Variants in ANO6 observed in about 807,000 individuals in gnomAD.
The protein encoded by ANO6 is anoctamin-6.
ANO6 carries 106 observed loss-of-function variants against 117.5 expected under a neutral mutation model. The observed-to-expected ratio is 0.90, with a 90% CI of 0.77 to 1.06. The LOEUF is 1.06. ANO6 is among the 50% of genes least tolerant of loss of function. The probability of loss-of-function intolerance (pLI) is 0.00; values close to 1 mark genes in which losing one functional copy is unlikely to be tolerated. For missense variants in ANO6, 955 were observed against 1,121.1 expected (o/e 0.85, Z 2.12); for synonymous variants, 367 against 385.1 (o/e 0.95, Z 0.55).
rs771043019 is a variant in ANO6 at position 45,367,805 on chromosome 12, T to G, written c.1104+12T>G. 4.8e-5 allele frequency: 76 copies of G among 1,587,850 alleles called. 1 individual carries two copies. The Admixed American group carries it at 1.3e-3, about 26-fold the overall frequency. On this transcript the variant is annotated intron_variant, in intron 9 of 19. Transcript: ENST00000320560. ...GCGAGTCCTCAAAGGTAATTTTTGC[T>G]ATTGCCAATATTTACACCTAATGAA...
At chr12:45,250,955 CT>C (rs1425500955) in intron 1 of ANO6, among the ~76,000 whole-genome samples, 1 of 151,762 alleles carries the variant, frequency 6.6e-6, no homozygotes, top group Non-Finnish European at 1.5e-5. Flanking sequence ...TGCCTATTAT[CT>C]CAGAACTTTG....
intron 1 of ANO6, among the ~76,000 whole-genome samples, chr12:45,245,347 TTAA>T (rs1242476934): frequency 6.6e-6 from 1 of 152,088 alleles, no homozygotes; most frequent in Non-Finnish European, 1.5e-5. Flanking sequence ...ATTTTTAGTA[TTAA>T]TAATTGTTAA....
intron 2 of ANO6, 129 bp from the exon 3 acceptor site, chr12:45,331,166 G>T (rs976932899): frequency 3.9e-6 from 3 of 776,978 alleles, no homozygotes; most frequent in Admixed American, 2.8e-5. Flanking sequence ...ATGACTGTTT[G>T]GTAAGCTAAC....
At chr12:45,274,029 A>G (rs1938470663) in intron 1 of ANO6, among the ~76,000 whole-genome samples, 1 of 152,088 alleles carries the variant, frequency 6.6e-6, no homozygotes, top group Admixed American at 6.5e-5. Flanking sequence ...TGGCTTCATG[A>G]TGCTACTTTA....
In ANO6 at chr12:45,413,631, C is replaced by T. The variant is rs151170157; in HGVS notation, c.2012-3068C>T. ...TGAAGAGTGAAGAGTGAGGGAGGCT[C>T]ACAAAGAAAAAGAAGAGCAGAGCAG... On this transcript the variant is annotated intron_variant, in intron 16 of 19. Transcript: ENST00000320560. Among the ~76,000 whole-genome samples, 436 of 152,080 alleles carry T rather than the reference C, an allele frequency of 2.9e-3. 2 individuals are homozygous for T. Among genetic ancestry groups the T allele is most frequent in the Non-Finnish European group, 5.0e-3 (338 of 67,968 alleles).
At chr12:45,392,930 T>C (rs565963008) in intron 12 of ANO6, among the ~76,000 whole-genome samples, 2 of 152,200 alleles carry the variant, frequency 1.3e-5, no homozygotes, top group African/African-American at 4.8e-5. Context: ...AATCAGAGCA[T>C]CTCTTCCCCT....
intron 1 of ANO6, among the ~76,000 whole-genome samples, chr12:45,234,332 C>T (rs918717452): frequency 6.6e-6 from 1 of 152,026 alleles, no homozygotes; most frequent in East Asian, 1.9e-4. Context: ...GAACTGTTTG[C>T]AGACTCTCCC....
intron 1 of ANO6, among the ~76,000 whole-genome samples, chr12:45,248,144 T>A (rs1328194470): frequency 6.6e-6 from 1 of 152,208 alleles, no homozygotes; most frequent in Non-Finnish European, 1.5e-5. Flanking sequence ...TAAAGTTAAT[T>A]TCTTTTCCTG....
At chr12:45,233,902 C>T (rs1333664541) in intron 1 of ANO6, among the ~76,000 whole-genome samples, 2 of 152,152 alleles carry the variant, frequency 1.3e-5, no homozygotes, top group Non-Finnish European at 2.9e-5. Flanking sequence ...TCACTTAGCA[C>T]AATCTTTCTG....
rs1197045288 is a variant in ANO6, at chr12:45,429,361, A to G, written c.*50A>G. The G allele has an allele frequency of 6.3e-7, 1 of 1,590,544 alleles. No individual in the cohort carries two copies. Among genetic ancestry groups the G allele is most frequent in the Middle Eastern group, 1.8e-4 (1 of 5,428 alleles). On this transcript the variant is annotated 3_prime_UTR_variant, in exon 20 of 20. Transcript: ENST00000320560. ...TTAAGGAATTTAGCTTTGTCAAAATATATTAGGAATCACTAATGAGAATGT... is the reference window on the plus strand; with the variant it reads ...TTAAGGAATTTAGCTTTGTCAAAATGTATTAGGAATCACTAATGAGAATGT...
In ANO6 at chr12:45,431,759, C is replaced by T. The variant is rs541882574; in HGVS notation, c.*2448C>T. The T allele has an allele frequency of 7.3e-5, 72 of 985,422 alleles. No homozygotes were observed. Among genetic ancestry groups the T allele is most frequent in the Middle Eastern group, 1.0e-3 (2 of 1,914 alleles). The allele number at this position is 985,422 out of a possible 1,614,324, so 61.0% of individuals were successfully genotyped here. ...GTAAGTGGCTTCAGAGGCAGCAGCCCTGGGGAAATTGATGGGTGTGGCAGT... is the reference window on the plus strand; with the variant it reads ...GTAAGTGGCTTCAGAGGCAGCAGCCTTGGGGAAATTGATGGGTGTGGCAGT... On this transcript the variant is annotated 3_prime_UTR_variant, in exon 20 of 20. Coordinates refer to ENST00000320560, the MANE Select transcript of ANO6 (RefSeq NM_001025356.3).
chr12:45,360,781 G>A (rs1941534976), intron 8 of ANO6, among the ~76,000 whole-genome samples: 1 of 152,146 alleles, frequency 6.6e-6, no homozygotes, highest in South Asian at 2.1e-4. Flanking sequence ...AATGGTATGA[G>A]ATAGGGTCCT....
At chr12:45,224,536 C>T (rs914239097) in intron 1 of ANO6, among the ~76,000 whole-genome samples, 1 of 152,062 alleles carries the variant, frequency 6.6e-6, no homozygotes, top group Non-Finnish European at 1.5e-5. Flanking sequence ...TTTTTATAAA[C>T]CTTTTGTTAT....
rs548980347 is a variant in ANO6 at position 45,247,650 on chromosome 12, T to A, written c.70+31259T>A. Among the ~76,000 whole-genome samples, 10 of 152,310 alleles carry A rather than the reference T, an allele frequency of 6.6e-5. No homozygotes were observed. In the South Asian group the frequency reaches 2.1e-3, roughly 32 times the overall value. On this transcript the variant is annotated intron_variant, in intron 1 of 19. Coordinates refer to ENST00000320560, the MANE Select transcript of ANO6 (RefSeq NM_001025356.3). The stretch of plus-strand genomic sequence containing the variant: ...TGGGATTAGAGTGCTGCCACTGTGG[T>A]CAGTTTATGGTGAGGGCACTCTTCC...
At chr12:45,285,281 T>C (rs1233102134) in intron 1 of ANO6, among the ~76,000 whole-genome samples, 3 of 152,174 alleles carry the variant, frequency 2.0e-5, no homozygotes, top group Admixed American at 1.3e-4. Flanking sequence ...AGGAGAGTAG[T>C]AGGAAGTAGT....
intron 1 of ANO6, among the ~76,000 whole-genome samples, chr12:45,230,911 C>T (rs1019238549): frequency 6.6e-6 from 1 of 152,148 alleles, no homozygotes; most frequent in East Asian, 1.9e-4. Flanking sequence ...AGTTCAAGAC[C>T]AGCCTGGGCA....
At chr12:45,339,107 G>A (rs752900040) in intron 3 of ANO6, among the ~76,000 whole-genome samples, 1 of 151,994 alleles carries the variant, frequency 6.6e-6, no homozygotes, top group Non-Finnish European at 1.5e-5. Flanking sequence ...GGCTTGACAG[G>A]GATAAATCAT....
At chr12:45,358,796 T>G (rs912727946) in intron 8 of ANO6, among the ~76,000 whole-genome samples, 3 of 152,070 alleles carry the variant, frequency 2.0e-5, no homozygotes, top group African/African-American at 7.2e-5. Flanking sequence ...TTTTTTTTTT[T>G]TGGTGGTGGG....
At chr12:45,368,939 G>A (rs1941753936) in intron 9 of ANO6, among the ~76,000 whole-genome samples, 1 of 152,156 alleles carries the variant, frequency 6.6e-6, no homozygotes, top group Non-Finnish European at 1.5e-5. Flanking sequence ...GGCTATCTGG[G>A]AGATCAAATA....
Sources: allele counts gnomAD v4.1 joint callset (sites outside exome capture counted in the v4.1 genomes callset), GRCh38; gene constraint gnomAD v4.1.1; transcripts MANE v1.5; gene names NCBI Gene and HGNC (gene_info 2026-07-23, HGNC 2026-07-21).